Variants in DNM2 observed in about 807,000 individuals in gnomAD.
DNM2 encodes dynamin 2, also known as dynamin-2.
DNM2 carries 15 observed loss-of-function variants against 99.0 expected under a neutral mutation model. The ratio of observed to expected loss-of-function variants is 0.15; its 90% confidence interval spans 0.10 to 0.23. DNM2 has a LOEUF of 0.23. DNM2 is among the 10% of genes least tolerant of loss of function. DNM2 has a pLI of 1.00. For missense variants in DNM2, 742 were observed against 1,189.4 expected (o/e 0.62, Z 5.53); for synonymous variants, 525 against 481.2 (o/e 1.09, Z -1.19).
intron 6 of DNM2, among the ~76,000 whole-genome samples, chr19:10,784,310 G>A (rs950898593): frequency 6.6e-6 from 1 of 152,158 alleles, no homozygotes; most frequent in African/African-American, 2.4e-5. Flanking sequence ...GTAGGGGCGC[G>A]GGGGCCGGGA....
chr19:10,758,300 TCCTTCCCTCCC>T, intron 1 of DNM2, among the ~76,000 whole-genome samples: 1 of 134,586 alleles, frequency 7.4e-6, no homozygotes, highest in Non-Finnish European at 1.6e-5. Flanking sequence ...CTTCCCTCCC[TCCTTCCCTCCC>T]TCCTTCCTTC....
At chr19:10,745,387 C>T (rs369852133) in intron 1 of DNM2, among the ~76,000 whole-genome samples, 3 of 152,278 alleles carry the variant, frequency 2.0e-5, no homozygotes, top group East Asian at 3.9e-4. Flanking sequence ...GGGGAAAGGG[C>T]GCTTAAGACC....
intron 1 of DNM2, among the ~76,000 whole-genome samples, chr19:10,725,441 A>G (rs949228405): frequency 3.4e-5 from 5 of 146,592 alleles, no homozygotes; most frequent in Admixed American, 3.4e-4. Context: ...GTGAGACTCC[A>G]TCTCAAAAAA....
intron 14 of DNM2, 45 bp downstream of exon 14, chr19:10,808,625 G>C: frequency 6.2e-7 from 1 of 1,603,242 alleles, no homozygotes; most frequent in Non-Finnish European, 8.5e-7. Flanking sequence ...AGAATCTAGT[G>C]GTGATGGAGA....
In DNM2 at chr19:10,786,684, C is replaced by G. The variant is rs1291883184; in HGVS notation, c.970C>G (p.Arg324Gly). The change falls in exon 7 of 21, where the codon CGC becomes GGC. Residue 324 changes from arginine to glycine, a missense_variant. By Grantham distance (125) the Arg-to-Gly change is moderately radical. Coordinates refer to ENST00000389253, the MANE Select transcript of DNM2 (RefSeq NM_001005361.3). ...GAACTTTCGGCCCGACGACCCCACC[C>G]GCAAAACCAAAGCCCTGCTGCAGTA... ...YKNFRPDDPT[R>G]KTKALLQMVQ... 1 of 1,614,134 alleles carries G rather than the reference C, an allele frequency of 6.2e-7. No individual in the cohort carries two copies. Among genetic ancestry groups the G allele is most frequent in the Admixed American group, 1.7e-5 (1 of 60,018 alleles).
chr19:10,776,989 C>A, intron 4 of DNM2, 129 bp from the exon 5 acceptor site: 2 of 836,720 alleles, frequency 2.4e-6, no homozygotes, highest in Non-Finnish European at 2.1e-6. Flanking sequence ...AGGCCTGTGA[C>A]GTTCTGGCTT....
chr19:10,736,300 G>T lies in DNM2; in HGVS notation c.161+17897G>T, dbSNP rs116092319. On this transcript the variant is annotated intron_variant, in intron 1 of 20. Transcript: ENST00000389253. ...AAAAAGAAAAAAAGAAAAAAATAGA[G>T]ATGGGGTCTCACAATGTTGCCTAGG... Among the ~76,000 whole-genome samples, 968 of 151,894 alleles carry T rather than the reference G, an allele frequency of 6.4e-3. 20 individuals are homozygous for T. Among genetic ancestry groups the T allele is most frequent in the African/African-American group, 0.022 (918 of 41,444 alleles).
At chr19:10,779,899 C>T (rs918368785) in intron 5 of DNM2, among the ~76,000 whole-genome samples, 3 of 152,018 alleles carry the variant, frequency 2.0e-5, no homozygotes, top group Non-Finnish European at 4.4e-5. Context: ...TGTGATCCAC[C>T]CGCCTCAGCC....
intron 1 of DNM2, among the ~76,000 whole-genome samples, chr19:10,736,654 T>C (rs2069538405): frequency 6.6e-6 from 1 of 152,194 alleles, no homozygotes; most frequent in Non-Finnish European, 1.5e-5. Flanking sequence ...GCACCCAGGC[T>C]GGTGTGCCAA....
At chr19:10,718,457 C>A (rs2068824501) in intron 1 of DNM2, 54 bp downstream of exon 1, 2 of 1,328,552 alleles carry the variant, frequency 1.5e-6, no homozygotes, top group East Asian at 3.1e-5. Context: ...GCGCGGAGGG[C>A]GGACCGGGAA....
chr19:10,786,734 AC>A (rs1273369137), intron 7 of DNM2, 28 bp downstream of exon 7: 2 of 1,613,016 alleles, frequency 1.2e-6, no homozygotes, highest in African/African-American at 2.7e-5. Context: ...CACCACCACC[AC>A]CACCCTGGCC....
chr19:10,798,469 T>C lies in DNM2; in HGVS notation c.1336-17T>C, dbSNP rs766960120. 3 of 1,612,836 alleles carry C rather than the reference T, an allele frequency of 1.9e-6. No individual in the cohort carries two copies. The highest frequency in any genetic ancestry group is 2.2e-5 in the South Asian group (2 of 91,050). ...ACGAGGACCCCGCCAATGCGACCAC[T>C]CTGCTTGTTCCCCCAGCTCAGTTCC... On this transcript the variant is annotated splice_polypyrimidine_tract_variant and intron_variant, in intron 10 of 20. Transcript: ENST00000389253.
In DNM2 at chr19:10,772,715, TG is replaced by T; in HGVS notation, c.385+90del. On this transcript the variant is annotated intron_variant, in intron 3 of 20. Coordinates refer to ENST00000389253, the MANE Select transcript of DNM2 (RefSeq NM_001005361.3). This position sits in a 1 kb window ranked among gnomAD's most constrained non-coding sequence, Gnocchi z 4.9. ...GGGTGAGCCTGTGTACTTCCACTCA[TG>T]GGTATCATGTGCCCATTCACAAACA... 3.2e-6 allele frequency: 5 copies of T among 1,582,288 alleles called. No homozygotes were observed. Among genetic ancestry groups the T allele is most frequent in the Non-Finnish European group, 4.3e-6 (5 of 1,161,520 alleles).
Position 10,805,897 on chromosome 19 carries a change from G to T in DNM2, c.1494-19G>T, listed in dbSNP as rs1032876620. The T allele has an allele frequency of 1.9e-6, 3 of 1,613,950 alleles. No individual in the cohort carries two copies. The African/African-American group carries it at 4.0e-5, about 22-fold the overall frequency. Reference sequence around the variant, plus strand: ...CCGGCATCTTGTCCACGTGAACCCTGTCTGTTCTTTGGTTTCAGTGCCCAG... The same window carrying T: ...CCGGCATCTTGTCCACGTGAACCCTTTCTGTTCTTTGGTTTCAGTGCCCAG... On this transcript the variant is annotated intron_variant, in intron 12 of 20. Coordinates refer to ENST00000389253, the MANE Select transcript of DNM2 (RefSeq NM_001005361.3).
chr19:10,723,277 G>A (rs148513702), intron 1 of DNM2, among the ~76,000 whole-genome samples: 4,920 of 152,168 alleles, frequency 0.032, 85 homozygotes, highest in South Asian at 0.095. Flanking sequence ...GGGATTACAG[G>A]CATGCACCAC....
At chr19:10,742,794 C>T (rs79862314) in intron 1 of DNM2, among the ~76,000 whole-genome samples, 1 of 152,114 alleles carries the variant, frequency 6.6e-6, no homozygotes, top group Admixed American at 6.6e-5. Flanking sequence ...CTTAATCTCT[C>T]TATCCTTGGT....
At chr19:10,827,216 A>T (rs560295189) in intron 18 of DNM2, among the ~76,000 whole-genome samples, 1 of 152,178 alleles carries the variant, frequency 6.6e-6, no homozygotes, top group Non-Finnish European at 1.5e-5. Context: ...GATCGGAGAC[A>T]TATACGGTTC....
In DNM2 at chr19:10,718,193, C is replaced by G; in HGVS notation, c.-50C>G. 9 of 1,389,348 alleles carry G rather than the reference C, an allele frequency of 6.5e-6. No homozygotes were observed. The highest frequency in any genetic ancestry group is 8.4e-6 in the Non-Finnish European group (9 of 1,069,248). 86.1% of individuals were successfully genotyped at this position (1,389,348 alleles called of 1,614,324 possible). ...GCCGCGGGGCCAGGTCGTTGAGGGT[C>G]GGCGGCGGGCGAGGAGCGCAGGGCG... is the stretch of plus-strand genomic sequence containing the variant. On this transcript the variant is annotated 5_prime_UTR_variant, in exon 1 of 21. Transcript: ENST00000389253.
chr19:10,730,000 C>T (rs1312348536), intron 1 of DNM2, among the ~76,000 whole-genome samples: 5 of 151,968 alleles, frequency 3.3e-5, no homozygotes, highest in Non-Finnish European at 7.4e-5. Flanking sequence ...GTACCTGGGA[C>T]AACAACCACA....
Sources: gnomAD v4.1 joint callset for allele counts (sites outside exome capture counted in the v4.1 genomes callset) on GRCh38, gnomAD v4.1.1 for gene constraint, Gnocchi (gnomAD v3.1) non-coding constraint, MANE v1.5 for transcripts, NCBI Gene and HGNC (gene_info 2026-07-23, HGNC 2026-07-21) for gene names.